TMIGD3: variants seen among roughly 807,000 people sequenced by gnomAD.
The protein encoded by TMIGD3 is AD026 protein (AD026).
Under a neutral mutation model 28.1 loss-of-function variants are expected in TMIGD3, and 21 were observed. That is an observed-to-expected ratio of 0.75 (90% CI 0.53 to 1.08). TMIGD3 has a LOEUF of 1.08. TMIGD3 is among the 50% of genes least tolerant of loss of function. The pLI is 0.00. For missense variants in TMIGD3, 416 were observed against 435.6 expected, an observed-to-expected ratio of 0.96 and a Z score of 0.40; for synonymous variants, 151 against 162.1, an observed-to-expected ratio of 0.93 and a Z score of 0.52.
chr1:111,491,052 C>T (rs947791683), intron 1 of TMIGD3, among the ~76,000 whole-genome samples: 1 of 152,266 alleles, frequency 6.6e-6, no homozygotes, highest in Admixed American at 6.5e-5. Flanking sequence ...CTCTACTATG[C>T]CCTGTCCTGC....
chr1:111,522,250 A>G (rs1656090156), intron 1 of TMIGD3, among the ~76,000 whole-genome samples: 1 of 152,184 alleles, frequency 6.6e-6, no homozygotes, highest in Admixed American at 6.5e-5. Context: ...GGTCTTTTGA[A>G]TGTTCACATA....
chr1:111,544,144 G>A lies in TMIGD3; in HGVS notation c.107+19702C>T, dbSNP rs564168418. On this transcript the variant is annotated intron_variant, in intron 1 of 5. Coordinates refer to the TMIGD3 transcript ENST00000369717. ...TTCAAACTAACTTATCTCTGTTAAT[G>A]CAATATTATTCTCTAAATTTACGCA... is the stretch of plus-strand genomic sequence containing the variant. Among the ~76,000 whole-genome samples, 5 of 152,226 alleles carry A rather than the reference G, an allele frequency of 3.3e-5. No homozygotes were observed. In the South Asian group the frequency reaches 1.0e-3, roughly 32 times the overall value.
At chr1:111,486,300 C>T (rs1314938695) in intron 4 of TMIGD3, among the ~76,000 whole-genome samples, 1 of 152,154 alleles carries the variant, frequency 6.6e-6, no homozygotes, top group Admixed American at 6.5e-5. Context: ...CATCCCTGCT[C>T]CTGCATTTGA....
At chr1:111,543,408 T>C (rs2185029) in intron 1 of TMIGD3, among the ~76,000 whole-genome samples, 84,413 of 151,860 alleles carry the variant, frequency 0.56, 23,567 homozygotes, top group East Asian at 0.73. Flanking sequence ...CCAAATACCA[T>C]CTCCCGTCTA....
intron 1 of TMIGD3, among the ~76,000 whole-genome samples, chr1:111,562,314 A>G (rs191805403): frequency 1.3e-5 from 2 of 152,300 alleles, no homozygotes; most frequent in East Asian, 3.9e-4. Context: ...TGTTTCCTCA[A>G]CCATAATAGG....
rs529082021 is a variant in TMIGD3 at position 111,497,225 on chromosome 1, C to T, written c.350+5780G>A. On this transcript the variant is annotated intron_variant, in intron 1 of 5. Transcript: ENST00000369716. ...TCCCGGGTTCACACCATTCTCCTGCCTCAGCCTCCCGAGTAGCTGGGACTA... is the reference window on the plus strand; with the variant it reads ...TCCCGGGTTCACACCATTCTCCTGCTTCAGCCTCCCGAGTAGCTGGGACTA... Among the ~76,000 whole-genome samples, 3 of 152,304 alleles carry T rather than the reference C, an allele frequency of 2.0e-5. No homozygotes were observed. The East Asian group carries it at 5.8e-4, about 29-fold the overall frequency.
intron 1 of TMIGD3, among the ~76,000 whole-genome samples, chr1:111,537,617 G>A (rs1656683690): frequency 6.6e-6 from 1 of 152,224 alleles, no homozygotes; most frequent in Admixed American, 6.5e-5. Flanking sequence ...AAGGACACCA[G>A]AGATTTCGTT....
In TMIGD3 at chr1:111,483,765, G is replaced by A; in HGVS notation, c.974-8C>T. Reference sequence around the variant, plus strand: ...GCTTCAAAGTGTTGCCTACTTTGTTGGGGAATAGAAAGGGAAAATGGAGTT... The same window carrying A: ...GCTTCAAAGTGTTGCCTACTTTGTTAGGGAATAGAAAGGGAAAATGGAGTT... On this transcript the variant is annotated splice_polypyrimidine_tract_variant and splice_region_variant and intron_variant, in intron 5 of 5. Transcript: ENST00000369716. The A allele has an allele frequency of 6.2e-7, 1 of 1,612,952 alleles. No homozygotes were observed.
intron 1 of TMIGD3, among the ~76,000 whole-genome samples, chr1:111,515,923 G>A (rs1292854566): frequency 6.6e-6 from 1 of 152,226 alleles, no homozygotes; most frequent in East Asian, 1.9e-4. Context: ...CCAGACTGGA[G>A]GAACTGACCG....
At chr1:111,555,378 A>T in intron 1 of TMIGD3, among the ~76,000 whole-genome samples, 1 of 150,738 alleles carries the variant, frequency 6.6e-6, no homozygotes, top group South Asian at 2.1e-4. Flanking sequence ...AAAAAAAAAA[A>T]AAAAAAAAAA....
chr1:111,526,899 A>G (rs899244572), intron 1 of TMIGD3, among the ~76,000 whole-genome samples: 1 of 151,768 alleles, frequency 6.6e-6, no homozygotes, highest in Non-Finnish European at 1.5e-5. Flanking sequence ...CTCTTTGCCC[A>G]TAGCTTTGCC....
At chr1:111,509,708 C>T (rs1028293697) in intron 1 of TMIGD3, among the ~76,000 whole-genome samples, 1 of 152,248 alleles carries the variant, frequency 6.6e-6, no homozygotes, top group Non-Finnish European at 1.5e-5. Flanking sequence ...ATGTGTCTTC[C>T]CCTCCTACTG....
chr1:111,549,272 T>C (rs1012472865), intron 1 of TMIGD3, among the ~76,000 whole-genome samples: 9 of 152,028 alleles, frequency 5.9e-5, no homozygotes, highest in Non-Finnish European at 1.3e-4. Context: ...ATTTGAAAAT[T>C]TGGCAGAATT....
chr1:111,484,963 A>G lies in TMIGD3; in HGVS notation c.973+777T>C, dbSNP rs969342107. ...GGTTGGCATATTTGCCACATGCTGG[A>G]GGATTCTCTGAACAGTAAGACCAGC... On this transcript the variant is annotated intron_variant, in intron 5 of 5. Transcript: ENST00000369716. 2.6e-4 allele frequency among the ~76,000 whole-genome samples: 39 copies of G among 152,310 alleles called. 1 individual carries two copies. The highest frequency in any genetic ancestry group is 2.4e-3 in the Admixed American group (37 of 15,304).
intron 1 of TMIGD3, among the ~76,000 whole-genome samples, chr1:111,543,164 G>A (rs2027256): frequency 0.096 from 14,665 of 152,070 alleles, 1,173 homozygotes; most frequent in East Asian, 0.47. Flanking sequence ...ACAGCTCTTT[G>A]GTAACTCAAC....
upstream of TMIGD3, chr1:111,504,937 A>G (rs1451201909): frequency 1.0e-5 from 10 of 985,182 alleles, 1 homozygote; most frequent in East Asian, 2.3e-4. Flanking sequence ...GTCCTCTCCA[A>G]CTGAATTTCC....
At chr1:111,524,204 T>C (rs1571435124) in intron 1 of TMIGD3, among the ~76,000 whole-genome samples, 1 of 151,812 alleles carries the variant, frequency 6.6e-6, no homozygotes, top group East Asian at 1.9e-4. Flanking sequence ...TAATTTTTTG[T>C]ATTTTTAGTA....
chr1:111,555,318 A>T (rs1458457914), intron 1 of TMIGD3, among the ~76,000 whole-genome samples: 1 of 131,310 alleles, frequency 7.6e-6, no homozygotes, highest in Non-Finnish European at 1.6e-5. Context: ...GTGAGCCAAG[A>T]TTGTGCCACT....
chr1:111,526,865 T>C (rs985800716), intron 1 of TMIGD3, among the ~76,000 whole-genome samples: 5 of 152,188 alleles, frequency 3.3e-5, no homozygotes, highest in African/African-American at 1.2e-4. Context: ...TGGAAGCCAC[T>C]GATGTTTTTA....
Sources: gnomAD v4.1 joint callset for allele counts (sites outside exome capture counted in the v4.1 genomes callset) on GRCh38, gnomAD v4.1.1 for gene constraint, MANE v1.5 for transcripts, NCBI Gene and HGNC (gene_info 2026-07-23, HGNC 2026-07-21) for gene names.